ITGBL1: variants seen among roughly 807,000 people sequenced by gnomAD.
ITGBL1 encodes integrin subunit beta like 1.
Under a neutral mutation model 68.5 loss-of-function variants are expected in ITGBL1, and 51 were observed. The observed-to-expected ratio is 0.74, with a 90% CI of 0.59 to 0.94. ITGBL1 has a LOEUF of 0.94. Among genes scored for constraint, ITGBL1 ranks in the 40% least tolerant of loss-of-function variants. ITGBL1 has a pLI of 0.00. For missense variants in ITGBL1, 649 were observed against 647.4 expected (o/e 1.00, Z -0.03); for synonymous variants, 209 against 227.3 (o/e 0.92, Z 0.72).
chr13:101,634,717 T>G (rs528542344), intron 7 of ITGBL1, among the ~76,000 whole-genome samples: 1 of 152,248 alleles, frequency 6.6e-6, no homozygotes, highest in South Asian at 2.1e-4. Flanking sequence ...ACAGATGTCT[T>G]ACATTTCAGT....
intron 7 of ITGBL1, among the ~76,000 whole-genome samples, chr13:101,671,426 G>GTTTTTTTTTTTTTTTTTTTTTTTTTTTTT: frequency 8.9e-6 from 1 of 112,638 alleles, no homozygotes; most frequent in South Asian, 3.6e-4. Flanking sequence ...GTATACCTTT[G>GTTTTTTTTTTTTTTTTTTTTTTTTTTTTT]TTTTTTTTTT....
At chr13:101,604,887 T>TATGTATATATATATATACACACACAC in intron 7 of ITGBL1, among the ~76,000 whole-genome samples, 4 of 22,162 alleles carry the variant, frequency 1.8e-4, no homozygotes, top group African/African-American at 6.0e-4. Context: ...TATATATATA[T>TATGTATATATATATATACACACACAC]ACACACACAC....
intron 2 of ITGBL1, among the ~76,000 whole-genome samples, chr13:101,525,948 T>A (rs1184938010): frequency 6.6e-6 from 1 of 152,070 alleles, no homozygotes; most frequent in Non-Finnish European, 1.5e-5. Flanking sequence ...AATTTTGCAT[T>A]TTCATATATG....
chr13:101,692,241 ATTATG>A (rs2033897236), intron 7 of ITGBL1, among the ~76,000 whole-genome samples: 1 of 152,226 alleles, frequency 6.6e-6, no homozygotes, highest in Non-Finnish European at 1.5e-5. Flanking sequence ...TATATAATGT[ATTATG>A]TTATGTTCAA....
chr13:101,600,714 G>T (rs1039407549), intron 7 of ITGBL1, among the ~76,000 whole-genome samples: 7 of 152,124 alleles, frequency 4.6e-5, no homozygotes, highest in African/African-American at 1.7e-4. Context: ...TTTTGTCTTT[G>T]GTTCTGTTTA....
chr13:101,695,285 C>T (rs1358769782), intron 8 of ITGBL1, among the ~76,000 whole-genome samples: 1 of 152,056 alleles, frequency 6.6e-6, no homozygotes, highest in Non-Finnish European at 1.5e-5. Context: ...AAGTGGGGTA[C>T]AGTCAGAGAG....
At chr13:101,716,500 G>T (rs932132048), downstream of ITGBL1, 1 of 152,076 alleles carries the variant, frequency 6.6e-6, no homozygotes, top group Non-Finnish European at 1.5e-5. Flanking sequence ...GTTATTCAGG[G>T]ATATCTATTT....
intron 3 of ITGBL1, among the ~76,000 whole-genome samples, chr13:101,571,375 A>G (rs534700401): frequency 6.6e-6 from 1 of 152,250 alleles, no homozygotes; most frequent in East Asian, 1.9e-4. Context: ...TGACGTGTTC[A>G]TAAGTCACTC....
intron 8 of ITGBL1, among the ~76,000 whole-genome samples, chr13:101,705,292 C>CAAAAAAA (rs66461824): frequency 1.0e-3 from 106 of 104,938 alleles, no homozygotes; most frequent in East Asian, 1.5e-3. Flanking sequence ...ATTTAAAAAG[C>CAAAAAAA]AAAAAAAAAA....
intron 8 of ITGBL1, among the ~76,000 whole-genome samples, chr13:101,705,407 C>A (rs1271908355): frequency 6.6e-6 from 1 of 151,756 alleles, no homozygotes; most frequent in Non-Finnish European, 1.5e-5. Context: ...CAGTTACTTA[C>A]CACGTCCTAC....
chr13:101,719,655 T>C (rs2034855989), downstream of ITGBL1: 1 of 152,106 alleles, frequency 6.6e-6, no homozygotes, highest in African/African-American at 2.4e-5. Flanking sequence ...AGCAATCAGC[T>C]ACTATAACAA....
intron 2 of ITGBL1, among the ~76,000 whole-genome samples, chr13:101,527,924 G>T (rs561763435): frequency 1.3e-5 from 2 of 151,742 alleles, no homozygotes; most frequent in Admixed American, 6.6e-5. Flanking sequence ...GAATCCTTTG[G>T]CAGGTATACA....
intron 7 of ITGBL1, among the ~76,000 whole-genome samples, chr13:101,615,650 G>C (rs2031319880): frequency 6.6e-6 from 1 of 152,050 alleles, no homozygotes; most frequent in Non-Finnish European, 1.5e-5. Context: ...ACCCCAGAGT[G>C]TGGTAGTACA....
At chr13:101,611,091 GA>G (rs1287758441) in intron 7 of ITGBL1, among the ~76,000 whole-genome samples, 1 of 152,146 alleles carries the variant, frequency 6.6e-6, no homozygotes, top group Non-Finnish European at 1.5e-5. Flanking sequence ...AGCCTGGGGG[GA>G]AATATGTCTC....
intron 2 of ITGBL1, among the ~76,000 whole-genome samples, chr13:101,491,451 T>A (rs570029099): frequency 2.0e-5 from 3 of 152,186 alleles, no homozygotes; most frequent in Non-Finnish European, 4.4e-5. Context: ...TTTGAAGGGA[T>A]TTTATAATTT....
intron 8 of ITGBL1, among the ~76,000 whole-genome samples, chr13:101,693,624 G>GTCTA (rs71125018): frequency 0.18 from 25,799 of 145,976 alleles, 2,354 homozygotes; most frequent in Admixed American, 0.2. Flanking sequence ...CTGTCTGTCT[G>GTCTA]TCTATCTATC....
chr13:101,542,866 C>G (rs2049736206), intron 2 of ITGBL1, among the ~76,000 whole-genome samples: 1 of 152,126 alleles, frequency 6.6e-6, no homozygotes, highest in South Asian at 2.1e-4. Flanking sequence ...TTATCAGAGA[C>G]TAGGATTGCA....
At chr13:101,497,703 C>T (rs964720215) in intron 2 of ITGBL1, among the ~76,000 whole-genome samples, 3 of 152,168 alleles carry the variant, frequency 2.0e-5, no homozygotes, top group African/African-American at 7.2e-5. Context: ...GATGGAAGCT[C>T]TCGGTCCTTA....
Position 101,644,581 on chromosome 13 carries a change from G to T in ITGBL1, c.1015+46282G>T, listed in dbSNP as rs376731766. 8.5e-5 allele frequency among the ~76,000 whole-genome samples: 13 copies of T among 152,216 alleles called. 1 individual carries two copies. Among genetic ancestry groups the T allele is most frequent in the Admixed American group, 3.3e-4 (5 of 15,296 alleles). On this transcript the variant is annotated intron_variant, in intron 7 of 10. Transcript: ENST00000376180. Reference sequence around the variant, plus strand: ...TCATTGAAAAAAGTAAACAAAAGCTGCCAAATAAAGATTTAAATTCCTCTT... The same window carrying T: ...TCATTGAAAAAAGTAAACAAAAGCTTCCAAATAAAGATTTAAATTCCTCTT...
Sources: allele counts gnomAD v4.1 joint callset (sites outside exome capture counted in the v4.1 genomes callset), GRCh38; gene constraint gnomAD v4.1.1; transcripts MANE v1.5; gene names NCBI Gene and HGNC (gene_info 2026-07-23, HGNC 2026-07-21).